Variants in AUTS2 observed in about 807,000 individuals in gnomAD.
The protein encoded by AUTS2 is activator of transcription and developmental regulator AUTS2.
AUTS2 carries 17 observed loss-of-function variants against 112.4 expected under a neutral mutation model. The observed-to-expected ratio is 0.15, with a 90% confidence interval of 0.10 to 0.23. AUTS2 has a LOEUF of 0.23. Among genes scored for constraint, AUTS2 ranks in the 10% least tolerant of loss-of-function variants. The pLI is 1.00. For missense variants in AUTS2, 1,510 were observed against 1,701.6 expected (o/e 0.89, Z 1.98); for synonymous variants, 751 against 702.7 (o/e 1.07, Z -1.09).
chr7:70,297,387 G>C (rs1322722351), intron 4 of AUTS2, among the ~76,000 whole-genome samples: 4 of 151,510 alleles, frequency 2.6e-5, no homozygotes, highest in African/African-American at 7.3e-5. Context: ...TGTAAGTCTT[G>C]AAGAAGTTAG....
At chr7:70,627,558 C>G (rs1805014852) in intron 5 of AUTS2, among the ~76,000 whole-genome samples, 1 of 152,210 alleles carries the variant, frequency 6.6e-6, no homozygotes, top group African/African-American at 2.4e-5. Flanking sequence ...AGCACCAGCT[C>G]ATTATTCCAT....
At chr7:69,752,445 A>T (rs1401248996) in intron 1 of AUTS2, among the ~76,000 whole-genome samples, 1 of 152,124 alleles carries the variant, frequency 6.6e-6, no homozygotes, top group Non-Finnish European at 1.5e-5. Context: ...TCTACAGTTA[A>T]CTCTGTATCT....
At chr7:70,054,011 A>C (rs909255206) in intron 2 of AUTS2, among the ~76,000 whole-genome samples, 1 of 152,244 alleles carries the variant, frequency 6.6e-6, no homozygotes, top group Non-Finnish European at 1.5e-5. Context: ...CAAGAAAACC[A>C]AAAGAAAAAC....
rs144486519 is a variant in AUTS2 at position 70,157,244 on chromosome 7, C to G, written c.660+22673C>G. ...TTTCATCAGTTTTATCATACTCAAC[C>G]TCTGGTATTTTTCTTTGTATGCTCT... On this transcript the variant is annotated intron_variant, in intron 4 of 18. Coordinates refer to ENST00000342771, the MANE Select transcript of AUTS2 (RefSeq NM_015570.4). Among the ~76,000 whole-genome samples, 298 of 151,990 alleles carry G rather than the reference C, an allele frequency of 2.0e-3. 1 individual carries two copies. Among genetic ancestry groups the G allele is most frequent in the African/African-American group, 6.3e-3 (261 of 41,470 alleles).
At chr7:69,959,585 C>G (rs936357574) in intron 2 of AUTS2, among the ~76,000 whole-genome samples, 17 of 152,142 alleles carry the variant, frequency 1.1e-4, no homozygotes, top group African/African-American at 3.9e-4. Context: ...CAGGATTTCA[C>G]TTTCTCGGAT....
At chr7:69,615,543 T>C (rs577403077) in intron 1 of AUTS2, among the ~76,000 whole-genome samples, 7 of 152,216 alleles carry the variant, frequency 4.6e-5, no homozygotes, top group Non-Finnish European at 1.0e-4. Flanking sequence ...CCTCAGGTGA[T>C]CTGCCTGCCT....
chr7:70,151,314 A>C (rs888631999), intron 4 of AUTS2, among the ~76,000 whole-genome samples: 17 of 152,150 alleles, frequency 1.1e-4, no homozygotes, highest in African/African-American at 4.1e-4. Context: ...ACAGTGCCTT[A>C]CATTAACCCA....
At chr7:70,353,697 G>C (rs568750001) in intron 4 of AUTS2, among the ~76,000 whole-genome samples, 1 of 152,296 alleles carries the variant, frequency 6.6e-6, no homozygotes, top group African/African-American at 2.4e-5. Flanking sequence ...TCAATCACTT[G>C]AGTCTTTTCT....
At chr7:70,729,280 C>G (rs1787222849) in intron 6 of AUTS2, 1 of 434,286 alleles carries the variant, frequency 2.3e-6, no homozygotes, top group Admixed American at 2.4e-5. Context: ...CTCTGCCTCT[C>G]TCCACTTCCC....
chr7:69,694,488 A>T (rs1797472638), intron 1 of AUTS2, among the ~76,000 whole-genome samples: 1 of 152,160 alleles, frequency 6.6e-6, no homozygotes, highest in African/African-American at 2.4e-5. Flanking sequence ...GGGATAAGAA[A>T]AGCTCTATGG....
intron 1 of AUTS2, among the ~76,000 whole-genome samples, chr7:69,851,338 A>G (rs1364374041): frequency 6.6e-6 from 1 of 152,152 alleles, no homozygotes; most frequent in African/African-American, 2.4e-5. Flanking sequence ...GTTTCTTTCC[A>G]TGTAAATTTT....
chr7:69,753,975 A>G (rs903601820), intron 1 of AUTS2, among the ~76,000 whole-genome samples: 3 of 152,144 alleles, frequency 2.0e-5, no homozygotes, highest in African/African-American at 7.2e-5. Flanking sequence ...CATGTAGTCT[A>G]ACAGTGGCCT....
chr7:70,010,861 G>A (rs1799771520), intron 2 of AUTS2, among the ~76,000 whole-genome samples: 1 of 152,146 alleles, frequency 6.6e-6, no homozygotes, highest in Non-Finnish European at 1.5e-5. Flanking sequence ...CTGGACATCT[G>A]TGGATTCTGG....
chr7:70,337,256 C>T (rs1045088591), intron 4 of AUTS2, among the ~76,000 whole-genome samples: 1 of 152,170 alleles, frequency 6.6e-6, no homozygotes, highest in Non-Finnish European at 1.5e-5. Context: ...TAAATTAATG[C>T]CATTGATCTG....
At chr7:70,558,245 T>C (rs1004659144) in intron 5 of AUTS2, among the ~76,000 whole-genome samples, 18 of 152,096 alleles carry the variant, frequency 1.2e-4, no homozygotes, top group African/African-American at 4.3e-4. Context: ...CTCCAGCCCC[T>C]GAACAGATAC....
At chr7:70,320,830 C>T (rs1790219258) in intron 4 of AUTS2, among the ~76,000 whole-genome samples, 1 of 152,106 alleles carries the variant, frequency 6.6e-6, no homozygotes, top group Non-Finnish European at 1.5e-5. Context: ...AGAGGCTGTG[C>T]GTTGATGGTT....
rs973380027 is a variant in AUTS2 at position 69,696,669 on chromosome 7, G to T, written c.309+96707G>T. Among the ~76,000 whole-genome samples, 3 of 152,294 alleles carry T rather than the reference G, an allele frequency of 2.0e-5. No individual in the cohort carries two copies. In the East Asian group the frequency reaches 5.8e-4, roughly 29 times the overall value. On this transcript the variant is annotated intron_variant, in intron 1 of 18. Transcript: ENST00000342771. The stretch of plus-strand genomic sequence containing the variant: ...TTAGTTGTTTGAGTTGGAGATAAAT[G>T]CAGAATGACCTCCATTTTGCCCTAA...
chr7:70,418,139 T>C (rs1795068495), intron 4 of AUTS2, among the ~76,000 whole-genome samples: 2 of 148,926 alleles, frequency 1.3e-5, no homozygotes, highest in South Asian at 2.1e-4. Context: ...GGTCTTACCA[T>C]GTTGCCCCAG....
chr7:69,889,872 G>T lies in AUTS2; in HGVS notation c.310-9414G>T, dbSNP rs114511165. Among the ~76,000 whole-genome samples the T allele has an allele frequency of 7.1e-3, 1,081 of 152,194 alleles. 16 individuals carry two copies. The highest frequency in any genetic ancestry group is 0.024 in the African/African-American group (1,007 of 41,528). ...TGTGGTGCTAGTTTCTCTTCTGGCT[G>T]CCATTACACTATCTTCTGTTGTATG... On this transcript the variant is annotated intron_variant, in intron 1 of 18. Transcript: ENST00000342771.
Sources: gnomAD v4.1 joint callset for allele counts (sites outside exome capture counted in the v4.1 genomes callset) on GRCh38, gnomAD v4.1.1 for gene constraint, MANE v1.5 for transcripts, NCBI Gene and HGNC (gene_info 2026-07-23, HGNC 2026-07-21) for gene names.